The following NRXN2 variants were observed in gnomAD, a reference collection of about 807,000 sequenced individuals.
NRXN2 encodes the protein neurexin 2.
In NRXN2, 29 loss-of-function variants were observed where a neutral mutation model predicts 128.8. The ratio of observed to expected loss-of-function variants is 0.23; its 90% CI spans 0.17 to 0.31. The LOEUF (loss-of-function observed/expected upper bound fraction) is 0.31. Ranked by LOEUF, NRXN2 falls within the 10% of genes least tolerant of loss-of-function variation. NRXN2 has a pLI of 1.00. For synonymous variants in NRXN2, 1,098 were observed against 1,075.2 expected (o/e 1.02, Z -0.41); for missense variants, 1,881 against 2,452.6 (o/e 0.77, Z 4.92).
chr11:64,658,959 G>A (rs1483187163), intron 11 of NRXN2, among the ~76,000 whole-genome samples: 25 of 152,228 alleles, frequency 1.6e-4, no homozygotes, highest in Admixed American at 1.6e-3. Flanking sequence ...GGGAGGCAGA[G>A]GTTGCAGTGA....
chr11:64,653,818 C>A (rs1184162810), intron 11 of NRXN2, 96 bp from the exon 12 acceptor site: 2 of 933,972 alleles, frequency 2.1e-6, no homozygotes, highest in South Asian at 1.5e-5. Flanking sequence ...GGGGTGTCTG[C>A]GGGCGGGGTT....
intron 6 of NRXN2, among the ~76,000 whole-genome samples, chr11:64,679,768 C>T (rs1565390382): frequency 6.6e-6 from 1 of 152,144 alleles, no homozygotes; most frequent in Non-Finnish European, 1.5e-5. Flanking sequence ...TGGGGCCCCT[C>T]TAGACCTAGG....
rs150069508 is a variant in NRXN2 at position 64,628,937 on chromosome 11, G to A, written c.3757+1465C>T. Among the ~76,000 whole-genome samples, 9 of 152,330 alleles carry A rather than the reference G, an allele frequency of 5.9e-5. No homozygotes were observed. In the East Asian group the frequency reaches 1.7e-3, roughly 29 times the overall value. ...CTGTCTGACCATACAAATGTCTGCA[G>A]TTGTCCATATGTCTAAGGTTGACCT... On this transcript the variant is annotated intron_variant, in intron 19 of 22. Coordinates refer to ENST00000265459, the MANE Select transcript of NRXN2 (RefSeq NM_015080.4).
intron 6 of NRXN2, among the ~76,000 whole-genome samples, chr11:64,678,299 C>CA (rs1388615675): frequency 1.3e-5 from 2 of 152,054 alleles, no homozygotes; most frequent in Non-Finnish European, 2.9e-5. Flanking sequence ...CTTGAATTTT[C>CA]AGAACTTTCC....
chr11:64,685,366 C>T (rs990694361), intron 6 of NRXN2, among the ~76,000 whole-genome samples: 10 of 152,156 alleles, frequency 6.6e-5, no homozygotes, highest in Non-Finnish European at 1.3e-4. Flanking sequence ...GAGAGCCCAG[C>T]TGCTCCCAAC....
At chr11:64,612,939 T>C (rs1236613007) in intron 22 of NRXN2, among the ~76,000 whole-genome samples, 5 of 152,252 alleles carry the variant, frequency 3.3e-5, no homozygotes, top group Admixed American at 3.3e-4. Context: ...CACGGTCCTG[T>C]TCTGGTGCTC....
At chr11:64,643,101 C>G in intron 17 of NRXN2, 10 of 986,044 alleles carry the variant, frequency 1.0e-5, no homozygotes, top group Non-Finnish European at 1.2e-5. Context: ...CCGTCAGAAA[C>G]CCGGGGGAGC....
chr11:64,642,951 G>A (rs1481545020), intron 17 of NRXN2: 1 of 1,021,430 alleles, frequency 9.8e-7, no homozygotes, highest in Non-Finnish European at 1.2e-6. Flanking sequence ...GCCTCGGTCC[G>A]GAGCCAACAA....
chr11:64,628,271 T>A (rs1425208571), intron 19 of NRXN2, among the ~76,000 whole-genome samples: 1 of 152,216 alleles, frequency 6.6e-6, no homozygotes, highest in Non-Finnish European at 1.5e-5. Context: ...AGATGACTTG[T>A]CCAAGGTTAC....
chr11:64,657,583 A>T (rs1275892714), intron 11 of NRXN2, among the ~76,000 whole-genome samples: 1 of 152,170 alleles, frequency 6.6e-6, no homozygotes, highest in Non-Finnish European at 1.5e-5. Context: ...GAAGATTCTT[A>T]TCTCCATTTT....
intron 22 of NRXN2, among the ~76,000 whole-genome samples, chr11:64,612,853 G>A (rs988766582): frequency 1.1e-4 from 16 of 152,246 alleles, no homozygotes; most frequent in African/African-American, 3.6e-4. Context: ...CTATGCGGAC[G>A]TGACCCTGTG....
At chr11:64,671,167 C>A (rs945213092) in intron 7 of NRXN2, among the ~76,000 whole-genome samples, 3 of 152,104 alleles carry the variant, frequency 2.0e-5, no homozygotes, top group African/African-American at 7.2e-5. Flanking sequence ...CCTTAATCAC[C>A]CTCTTATGAC....
chr11:64,651,150 T>A lies in NRXN2; in HGVS notation c.2918+105A>T. The A allele has an allele frequency of 6.7e-7, 1 of 1,490,024 alleles. No homozygotes were observed. Among genetic ancestry groups the A allele is most frequent in the South Asian group, 1.1e-5 (1 of 87,548 alleles). The allele number at this position is 1,490,024 out of a possible 1,614,324, so 92.3% of individuals were successfully genotyped here. A position where few individuals can be genotyped will look rare whatever the true frequency, so the allele number is the denominator to read the frequency against. Reference sequence around the variant, plus strand: ...CGGGGACCTGAATCTTGACTTGTGATCTGGGGGGATTGGACACCTCGGCCA... The same window carrying A: ...CGGGGACCTGAATCTTGACTTGTGAACTGGGGGGATTGGACACCTCGGCCA... On this transcript the variant is annotated intron_variant, in intron 14 of 22. Transcript: ENST00000265459. The surrounding 1 kb of genome is among the most constrained non-coding windows in gnomAD (Gnocchi z 5.9).
intron 12 of NRXN2, 90 bp downstream of exon 12, chr11:64,653,606 T>C (rs990908081): frequency 1.0e-5 from 13 of 1,297,078 alleles, no homozygotes; most frequent in Non-Finnish European, 1.4e-5. Flanking sequence ...CAATCACGGC[T>C]TCTCTTCCTC....
In NRXN2 at chr11:64,630,254, G is replaced by T. The variant is rs2043689002; in HGVS notation, c.3757+148C>A. The T allele has an allele frequency of 2.7e-6, 2 of 744,076 alleles. No individual in the cohort carries two copies. The highest frequency in any genetic ancestry group is 4.0e-4 in the Middle Eastern group (1 of 2,500). The allele number at this position is 744,076 out of a possible 1,614,324, so 46.1% of individuals were successfully genotyped here. A position where few individuals can be genotyped will look rare whatever the true frequency, so the allele number is the denominator to read the frequency against. ...CACGCCCCTGCCCTAGTCCCGCCTC[G>T]CAAGCTTCGTCTCTCCAGTAGCCCC... On this transcript the variant is annotated intron_variant, in intron 19 of 22. Transcript: ENST00000265459. This position sits in a 1 kb window ranked among gnomAD's most constrained non-coding sequence, Gnocchi z 4.6.
chr11:64,621,262 C>T (rs1251403230), intron 21 of NRXN2, among the ~76,000 whole-genome samples: 2 of 152,204 alleles, frequency 1.3e-5, no homozygotes, highest in African/African-American at 4.8e-5. Flanking sequence ...TTGGGCTTCC[C>T]CACCACAGCA....
Position 64,662,090 on chromosome 11 carries a change from TA to T in NRXN2, c.1799-952del, listed in dbSNP as rs35502743. On this transcript the variant is annotated intron_variant, in intron 9 of 22. Coordinates refer to ENST00000265459, the MANE Select transcript of NRXN2 (RefSeq NM_015080.4). ...CAACATGGTGAAACTCCATCTCTAC[TA>T]AAAAAAAAAAAAAAAAATTAGCCGG... is the stretch of plus-strand genomic sequence containing the variant. Among the ~76,000 whole-genome samples, 244 of 131,406 alleles carry T rather than the reference TA, an allele frequency of 1.9e-3. 1 individual carries two copies. The highest frequency in any genetic ancestry group is 3.0e-3 in the East Asian group (13 of 4,368). The allele number at this position is 131,406 out of a possible 152,430, so 86.2% of individuals were successfully genotyped here.
chr11:64,676,175 T>C (rs2051294000), intron 7 of NRXN2: 1 of 152,316 alleles, frequency 6.6e-6, no homozygotes, highest in East Asian at 1.9e-4. Context: ...TGAAACACAG[T>C]GTTAGTCAGA....
intron 7 of NRXN2, among the ~76,000 whole-genome samples, chr11:64,674,006 C>A (rs567928393): frequency 1.0e-3 from 157 of 150,414 alleles, no homozygotes; most frequent in African/African-American, 3.6e-3. Flanking sequence ...CCACTTCACT[C>A]CAGCCTAGGC....
Sources: gnomAD v4.1 joint callset for allele counts (sites outside exome capture counted in the v4.1 genomes callset) on GRCh38, gnomAD v4.1.1 for gene constraint, Gnocchi (gnomAD v3.1) non-coding constraint, MANE v1.5 for transcripts, NCBI Gene and HGNC (gene_info 2026-07-23, HGNC 2026-07-21) for gene names.